Variants in CYP26A1 observed in about 807,000 individuals in gnomAD.
CYP26A1 encodes the protein cytochrome P450 family 26 subfamily A member 1, also known as cytochrome P450 26A1.
In CYP26A1, 46 loss-of-function variants were observed where a neutral mutation model predicts 47.4. The ratio of observed to expected loss-of-function variants is 0.97; its 90% CI spans 0.77 to 1.24. The LOEUF (loss-of-function observed/expected upper bound fraction) is 1.24. Among genes scored for constraint, CYP26A1 ranks in the 50% most tolerant of loss-of-function variants. CYP26A1 has a pLI of 0.00. For missense variants in CYP26A1, 680 were observed against 644.4 expected (o/e 1.06, Z -0.60); for synonymous variants, 277 against 263.7 (o/e 1.05, Z -0.49).
intron 5 of CYP26A1, 26 bp from the exon 6 acceptor site, chr10:93,076,518 T>C: frequency 1.3e-6 from 2 of 1,551,210 alleles, no homozygotes; most frequent in Non-Finnish European, 1.8e-6. Flanking sequence ...AAATAACTGT[T>C]CACCTCTGTA....
rs755465069 is a variant in CYP26A1, at chr10:93,075,134, G to C, written c.706-15G>C. 1.7e-5 allele frequency: 28 copies of C among 1,611,392 alleles called. No homozygotes were observed. Among genetic ancestry groups the C allele is most frequent in the South Asian group, 1.4e-4 (13 of 90,982 alleles). ...CCTGGGCGTCTGCTCACCGCCGCGCGCTCTCTGCGCTCAGGGCATGAAGGC... is the reference window on the plus strand; with the variant it reads ...CCTGGGCGTCTGCTCACCGCCGCGCCCTCTCTGCGCTCAGGGCATGAAGGC... On this transcript the variant is annotated splice_polypyrimidine_tract_variant and intron_variant, in intron 3 of 6. Transcript: ENST00000224356.
Position 93,074,225 on chromosome 10 carries a change from C to G in CYP26A1, c.190-83C>G, listed in dbSNP as rs904422154. The G allele has an allele frequency of 6.6e-7, 1 of 1,522,130 alleles. No homozygotes were observed. Among genetic ancestry groups the G allele is most frequent in the Non-Finnish European group, 8.9e-7 (1 of 1,121,350 alleles). 94.3% of individuals were successfully genotyped at this position (1,522,130 alleles called of 1,614,324 possible). A position where few individuals can be genotyped will look rare whatever the true frequency, so the allele number is the denominator to read the frequency against. On this transcript the variant is annotated intron_variant, in intron 1 of 6. Coordinates refer to ENST00000224356, the MANE Select transcript of CYP26A1 (RefSeq NM_000783.4). This position sits in a 1 kb window ranked among gnomAD's most constrained non-coding sequence, Gnocchi z 5.3. ...GGCGCCCCCGGGAGGCATGCTATTG[C>G]GGCTAGGAGCAGGGCTGGCGGGAGC... is the stretch of plus-strand genomic sequence containing the variant.
Position 93,075,037 on chromosome 10 carries a change from C to T in CYP26A1, c.673C>T (p.Pro225Ser), listed in dbSNP as rs1476267060. 5.0e-6 allele frequency: 8 copies of T among 1,613,036 alleles called. No individual in the cohort carries two copies. Among genetic ancestry groups the T allele is most frequent in the East Asian group, 2.2e-5 (1 of 44,880 alleles). ...AATGACCCGCAATCTCTTCTCGCTG[C>T]CCATCGACGTGCCCTTCAGCGGGCT... ...EEMTRNLFSL[P>S]IDVPFSGLYR... Residue 225 changes from proline (P) to serine (S), a missense_variant, in exon 3 of 7, where the codon CCC (proline) becomes TCC (serine). Physicochemically the swap from Pro to Ser is moderately conservative, Grantham distance 74. Coordinates refer to ENST00000224356, the MANE Select transcript of CYP26A1 (RefSeq NM_000783.4).
At position 93,074,313 on chromosome 10, in the gene CYP26A1, G is replaced by C. The variant is rs749344347; in HGVS notation, c.195G>C (p.Arg65Ser). 1 of 1,601,456 alleles carries C rather than the reference G, an allele frequency of 6.2e-7. No individual in the cohort carries two copies. The highest frequency in any genetic ancestry group is 8.6e-7 in the Non-Finnish European group (1 of 1,169,524). ...CCTCCGCCTTCCTCCCACAGCGGAGGAAGTTCCTGCAGATGAAGCGCAGGA... is the reference window on the plus strand; with the variant it reads ...CCTCCGCCTTCCTCCCACAGCGGAGCAAGTTCCTGCAGATGAAGCGCAGGA... ...GETLQMVLQR[R>S]KFLQMKRRKY... The change falls in exon 2 of 7, where the codon AGG (arginine) becomes AGC (serine). Residue 65 changes from arginine (R) to serine (S), a missense_variant. Physicochemically the swap from Arg to Ser is moderately radical, Grantham distance 110. Coordinates refer to ENST00000224356, the MANE Select transcript of CYP26A1 (RefSeq NM_000783.4). This position sits in a 1 kb window ranked among gnomAD's most constrained non-coding sequence, Gnocchi z 5.3.
chr10:93,074,653 CA>C lies in CYP26A1; in HGVS notation c.414+122del. On this transcript the variant is annotated intron_variant, in intron 2 of 6. Coordinates refer to ENST00000224356, the MANE Select transcript of CYP26A1 (RefSeq NM_000783.4). This position sits in a 1 kb window ranked among gnomAD's most constrained non-coding sequence, Gnocchi z 5.3. ...GTGGGCTAGGACCCTCTGCCAGCTCCAGGTTAGCTTTCCCAGCTCGGAGAGT... is the reference window on the plus strand; with the variant it reads ...GTGGGCTAGGACCCTCTGCCAGCTCCGGTTAGCTTTCCCAGCTCGGAGAGT... 9.3e-7 allele frequency: 1 copy of C among 1,075,616 alleles called. No homozygotes were observed. The highest frequency in any genetic ancestry group is 1.4e-5 in the South Asian group (1 of 72,700). 66.6% of individuals were successfully genotyped at this position (1,075,616 alleles called of 1,614,324 possible). A position where few individuals can be genotyped will look rare whatever the true frequency, so the allele number is the denominator to read the frequency against.
Position 93,074,393 on chromosome 10 carries a change from T to C in CYP26A1, c.275T>C (p.Met92Thr). 6.2e-7 allele frequency: 1 copy of C among 1,612,122 alleles called. No homozygotes were observed. The highest frequency in any genetic ancestry group is 8.5e-7 in the Non-Finnish European group (1 of 1,178,864). The change falls in exon 2 of 7, where the codon ATG (methionine) becomes ACG (threonine). Residue 92 changes from methionine (M) to threonine (T), a missense_variant. Met to Thr is a moderately conservative substitution (Grantham distance 81, BLOSUM62 -1). Transcript: ENST00000224356. This position sits in a 1 kb window ranked among gnomAD's most constrained non-coding sequence, Gnocchi z 5.3. ...TTCGGGCGGCCCACCGTACGGGTGATGGGCGCGGACAATGTGCGGCGCATC... is the reference window on the plus strand; with the variant it reads ...TTCGGGCGGCCCACCGTACGGGTGACGGGCGCGGACAATGTGCGGCGCATC... The part of the protein sequence containing the change: ...HLFGRPTVRV[M>T]GADNVRRILL...
rs755322246 is a variant in CYP26A1 at position 93,074,292 on chromosome 10, C to T, written c.190-16C>T. ...CCCCCTCATGCCCACTTCTCTCCTCCGCCTTCCTCCCACAGCGGAGGAAGT... is the reference window on the plus strand; with the variant it reads ...CCCCCTCATGCCCACTTCTCTCCTCTGCCTTCCTCCCACAGCGGAGGAAGT... On this transcript the variant is annotated splice_polypyrimidine_tract_variant and intron_variant, in intron 1 of 6. Transcript: ENST00000224356. The surrounding 1 kb of genome is among the most constrained non-coding windows in gnomAD (Gnocchi z 5.3). 13 of 1,568,642 alleles carry T rather than the reference C, an allele frequency of 8.3e-6. No homozygotes were observed. In the South Asian group the frequency reaches 1.4e-4, roughly 17 times the overall value.
rs750364437 is a variant in CYP26A1, at chr10:93,074,930, C to T, written c.566C>T (p.Ala189Val). The T allele has an allele frequency of 5.6e-6, 9 of 1,613,300 alleles. 1 individual carries two copies. The South Asian group carries it at 8.8e-5, about 16-fold the overall frequency. ...GTGAAGCGCCTCATGTTCCGAATCG[C>T]CATGCGCATCCTACTGGGCTGCGAA... ...PEVKRLMFRI[A>V]MRILLGCEPQ... is the part of the protein sequence containing the mutation. Residue 189 changes from alanine (A) to valine (V), a missense_variant, in exon 3 of 7, where the codon GCC becomes GTC. By Grantham distance (64) the Ala-to-Val change is moderately conservative. Coordinates refer to ENST00000224356, the MANE Select transcript of CYP26A1 (RefSeq NM_000783.4). This position sits in a 1 kb window ranked among gnomAD's most constrained non-coding sequence, Gnocchi z 5.3.
chr10:93,074,017 G>A lies in CYP26A1; in HGVS notation c.83G>A (p.Trp28Ter), dbSNP rs1846931798. The A allele has an allele frequency of 1.9e-6, 3 of 1,602,244 alleles. No individual in the cohort carries two copies. The South Asian group carries it at 3.3e-5, about 18-fold the overall frequency. Residue 28 changes from tryptophan to a stop codon, truncating the protein, a stop_gained, in exon 1 of 7, where the codon TGG becomes TAG. Transcript: ENST00000224356. LOFTEE classifies it high-confidence loss of function. This position sits in a 1 kb window ranked among gnomAD's most constrained non-coding sequence, Gnocchi z 5.3. ...CTCTTCCTGGCTGCGATCAAGCTCT[G>A]GGACCTGTACTGCGTGAGCGGCCGC... ...LLLFLAAIKL[W>*]DLYCVSGRDR...
At chr10:93,076,434 A>G in intron 5 of CYP26A1, 110 bp from the exon 6 acceptor site, 2 of 704,432 alleles carry the variant, frequency 2.8e-6, no homozygotes, top group Non-Finnish European at 2.4e-6. Context: ...AGTCTCTCCC[A>G]TCATGGGGCC....
chr10:93,076,688 G>C lies in CYP26A1; in HGVS notation c.1144G>C (p.Glu382Gln), dbSNP rs202094176. The change falls in exon 6 of 7, where the codon GAA becomes CAA. Residue 382 changes from glutamate to glutamine, a missense_variant. Glu to Gln is a conservative substitution (Grantham distance 29). Coordinates refer to ENST00000224356, the MANE Select transcript of CYP26A1 (RefSeq NM_000783.4). ...GGFRVALKTF[E>Q]LNGYQIPKGW... ...GTTTCGGGTTGCTCTGAAGACTTTT[G>C]AATTAAATGTAAGTTAAAATTCTCT... is the stretch of plus-strand genomic sequence containing the variant. 17 of 1,597,996 alleles carry C rather than the reference G, an allele frequency of 1.1e-5. No individual in the cohort carries two copies. The Admixed American group carries it at 3.0e-4, about 29-fold the overall frequency.
chr10:93,075,483 C>A (rs1810795611), intron 4 of CYP26A1, 176 bp downstream of exon 4: 2 of 637,752 alleles, frequency 3.1e-6, no homozygotes, highest in South Asian at 2.0e-5. Flanking sequence ...AGGAGAGCTG[C>A]GGAAGGGGCT....
In CYP26A1 at chr10:93,075,838, T is replaced by A. The variant is rs772703300; in HGVS notation, c.877T>A (p.Ser293Thr). 2.1e-5 allele frequency: 34 copies of A among 1,612,224 alleles called. No individual in the cohort carries two copies. Among genetic ancestry groups the A allele is most frequent in the Non-Finnish European group, 2.8e-5 (33 of 1,178,408 alleles). ...ERLDMQALKQSSTELLFGGHE... is the reference protein window; with the variant it reads ...ERLDMQALKQTSTELLFGGHE... ...ACTCTATTCTTAGGCACTAAAGCAA[T>A]CTTCAACCGAACTCCTCTTTGGAGG... is the stretch of plus-strand genomic sequence containing the variant. The change falls in exon 5 of 7, where the codon TCT becomes ACT. Residue 293 changes from serine (S) to threonine (T), a missense_variant. Ser to Thr is a moderately conservative substitution (Grantham distance 58, BLOSUM62 1). Transcript: ENST00000224356.
In CYP26A1 at chr10:93,075,658, T is replaced by C. The variant is rs903825237; in HGVS notation, c.865-168T>C. The C allele has an allele frequency of 4.9e-6, 3 of 606,916 alleles. No homozygotes were observed. The African/African-American group carries it at 5.5e-5, about 11-fold the overall frequency. The allele number at this position is 606,916 out of a possible 1,614,324, so 37.6% of individuals were successfully genotyped here. A position where few individuals can be genotyped will look rare whatever the true frequency, so the allele number is the denominator to read the frequency against. On this transcript the variant is annotated intron_variant, in intron 4 of 6. Transcript: ENST00000224356. ...ACTCGCCTTACTGCTCCAGCTGAAC[T>C]AAAGGGACGTTGCATTTTGTTTAAA...
Position 93,074,398 on chromosome 10 carries a change from G to A in CYP26A1, c.280G>A (p.Ala94Thr). The A allele has an allele frequency of 1.9e-6, 3 of 1,611,632 alleles. No homozygotes were observed. The highest frequency in any genetic ancestry group is 2.5e-6 in the Non-Finnish European group (3 of 1,178,370). The change falls in exon 2 of 7, where the codon GCG (alanine) becomes ACG (threonine). Residue 94 changes from alanine to threonine, a missense_variant. Coordinates refer to ENST00000224356, the MANE Select transcript of CYP26A1 (RefSeq NM_000783.4). The surrounding 1 kb of genome is among the most constrained non-coding windows in gnomAD (Gnocchi z 5.3). The stretch of plus-strand genomic sequence containing the variant: ...GCGGCCCACCGTACGGGTGATGGGC[G>A]CGGACAATGTGCGGCGCATCTTGCT... ...FGRPTVRVMG[A>T]DNVRRILLGE...
Position 93,077,236 on chromosome 10 carries a change from A to C in CYP26A1, c.1426A>C (p.Thr476Pro), listed in dbSNP as rs752401058. The part of the protein sequence containing the change: ...QLLNGPPTMK[T>P]SPTVYPVDNL... ...TCTAAATGGACCTCCTACAATGAAA[A>C]CCAGTCCCACCGTGTATCCTGTGGA... Residue 476 changes from threonine to proline, a missense_variant, in exon 7 of 7, where the codon ACC becomes CCC. Physicochemically the swap from Thr to Pro is conservative, Grantham distance 38. Transcript: ENST00000224356. 5.6e-6 allele frequency: 9 copies of C among 1,603,260 alleles called. No individual in the cohort carries two copies. In the African/African-American group the frequency reaches 8.0e-5, roughly 14 times the overall value.
At chr10:93,075,468 C>G (rs892645100) in intron 4 of CYP26A1, among the ~76,000 whole-genome samples, 161 bp downstream of exon 4, 4 of 152,350 alleles carry the variant, frequency 2.6e-5, no homozygotes, top group African/African-American at 4.8e-5. Context: ...CTGAGACACC[C>G]GGTCAGGAGA....
chr10:93,074,425 G>T lies in CYP26A1; in HGVS notation c.307G>T (p.Gly103Ter). The T allele has an allele frequency of 6.2e-7, 1 of 1,610,742 alleles. No homozygotes were observed. Among genetic ancestry groups the T allele is most frequent in the Non-Finnish European group, 8.5e-7 (1 of 1,177,588 alleles). The change falls in exon 2 of 7, where the codon GGA becomes TGA. Residue 103 changes from glycine to a stop codon, truncating the protein, a stop_gained. Coordinates refer to ENST00000224356, the MANE Select transcript of CYP26A1 (RefSeq NM_000783.4). LOFTEE classifies it high-confidence loss of function. The surrounding 1 kb of genome is among the most constrained non-coding windows in gnomAD (Gnocchi z 5.3). ...GADNVRRILL[G>*]EHRLVSVHWP... is the part of the protein sequence containing the mutation. ...GGACAATGTGCGGCGCATCTTGCTC[G>T]GAGAGCACCGGCTGGTGTCGGTCCA...
chr10:93,074,317 T>C lies in CYP26A1; in HGVS notation c.199T>C (p.Phe67Leu). The change falls in exon 2 of 7, where the codon TTC becomes CTC. Residue 67 changes from phenylalanine to leucine, a missense_variant. Physicochemically the swap from Phe to Leu is conservative, Grantham distance 22 (BLOSUM62 0). Coordinates refer to ENST00000224356, the MANE Select transcript of CYP26A1 (RefSeq NM_000783.4). The surrounding 1 kb of genome is among the most constrained non-coding windows in gnomAD (Gnocchi z 5.3). Reference protein sequence around the residue: ...TLQMVLQRRKFLQMKRRKYGF... With the variant: ...TLQMVLQRRKLLQMKRRKYGF... ...CGCCTTCCTCCCACAGCGGAGGAAGTTCCTGCAGATGAAGCGCAGGAAATA... is the reference window on the plus strand; with the variant it reads ...CGCCTTCCTCCCACAGCGGAGGAAGCTCCTGCAGATGAAGCGCAGGAAATA... The C allele has an allele frequency of 6.2e-7, 1 of 1,603,238 alleles. No individual in the cohort carries two copies. Among genetic ancestry groups the C allele is most frequent in the Non-Finnish European group, 8.5e-7 (1 of 1,171,128 alleles).
Sources: allele counts gnomAD v4.1 joint callset (sites outside exome capture counted in the v4.1 genomes callset), GRCh38; gene constraint gnomAD v4.1.1; non-coding constraint Gnocchi (gnomAD v3.1); transcripts MANE v1.5; gene names NCBI Gene and HGNC (gene_info 2026-07-23, HGNC 2026-07-21).